Variants in TEAD1 observed in about 807,000 individuals in gnomAD.
TEAD1 encodes TEA domain transcription factor 1, also known as transcriptional enhancer factor TEF-1.
A neutral mutation model predicts 54.9 loss-of-function variants in TEAD1; 9 were observed. That is an observed-to-expected ratio of 0.16 (90% confidence interval 0.10 to 0.29). The LOEUF is 0.29. TEAD1 is among the 10% of genes least tolerant of loss of function. TEAD1 has a pLI of 1.00. For missense variants in TEAD1, 387 were observed against 535.9 expected (o/e 0.72, Z 2.74); for synonymous variants, 200 against 187.8 (o/e 1.07, Z -0.53).
intron 3 of TEAD1, among the ~76,000 whole-genome samples, chr11:12,847,211 G>A (rs1737023365): frequency 2.1e-5 from 3 of 144,370 alleles, no homozygotes; most frequent in Admixed American, 1.4e-4. Context: ...GTCAACAGTA[G>A]CAATATCATT....
intron 3 of TEAD1, among the ~76,000 whole-genome samples, chr11:12,799,198 G>GT (rs1946000399): frequency 6.6e-6 from 1 of 152,200 alleles, no homozygotes; most frequent in African/African-American, 2.4e-5. Context: ...TTATCTCAGT[G>GT]TTTTACAAAT....
intron 3 of TEAD1, among the ~76,000 whole-genome samples, chr11:12,841,393 A>G (rs1947037637): frequency 6.6e-6 from 1 of 152,182 alleles, no homozygotes; most frequent in Admixed American, 6.5e-5. Flanking sequence ...GATGGTGGGG[A>G]TGGATGCTGG....
chr11:12,879,239 G>T (rs1947917293), intron 5 of TEAD1, among the ~76,000 whole-genome samples: 1 of 152,206 alleles, frequency 6.6e-6, no homozygotes, highest in Admixed American at 6.5e-5. Flanking sequence ...ATGGCCCTGT[G>T]ACAGTCAGGA....
At chr11:12,707,403 C>T (rs1310055105) in intron 2 of TEAD1, among the ~76,000 whole-genome samples, 2 of 152,168 alleles carry the variant, frequency 1.3e-5, no homozygotes, top group Non-Finnish European at 2.9e-5. Context: ...CACATATTCA[C>T]GTTTAATGGT....
chr11:12,754,732 CT>C (rs1260690113), intron 2 of TEAD1, among the ~76,000 whole-genome samples: 2 of 152,174 alleles, frequency 1.3e-5, no homozygotes, highest in Non-Finnish European at 2.9e-5. Flanking sequence ...CAGAGCAGGG[CT>C]TGGCCTTCGC....
intron 2 of TEAD1, among the ~76,000 whole-genome samples, chr11:12,746,108 A>G (rs1396213734): frequency 2.0e-5 from 3 of 152,232 alleles, no homozygotes; most frequent in Non-Finnish European, 4.4e-5. Flanking sequence ...CTAACTCCCT[A>G]CAGTGATTGA....
intron 3 of TEAD1, among the ~76,000 whole-genome samples, chr11:12,860,877 T>TA (rs1947485860): frequency 6.6e-6 from 1 of 152,096 alleles, no homozygotes; most frequent in Non-Finnish European, 1.5e-5. Flanking sequence ...AGTTGGGCAA[T>TA]TAGAGAAGAC....
At chr11:12,709,318 A>G (rs1013544278) in intron 2 of TEAD1, among the ~76,000 whole-genome samples, 1 of 151,596 alleles carries the variant, frequency 6.6e-6, no homozygotes, top group South Asian at 2.1e-4. Flanking sequence ...AGCCTGGATG[A>G]TAGAGCAAGA....
intron 4 of TEAD1, chr11:12,864,623 T>TTTTGTTTTGG: frequency 2.0e-6 from 2 of 985,862 alleles, no homozygotes; most frequent in Non-Finnish European, 1.4e-6. Context: ...TCCTTTTTTG[T>TTTTGTTTTGG]TTTGTTTTGT....
intron 3 of TEAD1, among the ~76,000 whole-genome samples, chr11:12,772,528 A>G (rs866645885): frequency 1.2e-4 from 19 of 152,328 alleles, no homozygotes; most frequent in African/African-American, 4.3e-4. Context: ...GTACAGATGT[A>G]CAGTATAGAT....
chr11:12,892,469 C>T (rs892487886), intron 9 of TEAD1, among the ~76,000 whole-genome samples: 1 of 152,102 alleles, frequency 6.6e-6, no homozygotes, highest in Non-Finnish European at 1.5e-5. Flanking sequence ...CATGGTGAAT[C>T]CCCCGCTTCT....
intron 9 of TEAD1, among the ~76,000 whole-genome samples, chr11:12,895,061 C>T (rs1313138167): frequency 6.6e-6 from 1 of 152,134 alleles, no homozygotes; most frequent in East Asian, 1.9e-4. Flanking sequence ...CAGATTCAAA[C>T]CCAGATCCCA....
chr11:12,802,861 T>C (rs1946089986), intron 3 of TEAD1, among the ~76,000 whole-genome samples: 1 of 152,202 alleles, frequency 6.6e-6, no homozygotes, highest in South Asian at 2.1e-4. Flanking sequence ...AGCAACACCC[T>C]CATAGTCCAA....
intron 3 of TEAD1, among the ~76,000 whole-genome samples, chr11:12,850,196 G>A (rs900672707): frequency 6.6e-6 from 1 of 152,162 alleles, no homozygotes; most frequent in Non-Finnish European, 1.5e-5. Flanking sequence ...AGCACTTTCG[G>A]AGGCCGAGGC....
At chr11:12,801,341 A>C (rs970411126) in intron 3 of TEAD1, among the ~76,000 whole-genome samples, 3 of 152,208 alleles carry the variant, frequency 2.0e-5, no homozygotes, top group Non-Finnish European at 2.9e-5. Flanking sequence ...GCTCAGACTA[A>C]AAATCCCCTT....
At chr11:12,757,845 T>C (rs1945014381) in intron 2 of TEAD1, among the ~76,000 whole-genome samples, 1 of 152,202 alleles carries the variant, frequency 6.6e-6, no homozygotes. Context: ...AGTGGCCTGA[T>C]CTTGGCTCAC....
At chr11:12,929,210 G>A (rs1161759995) in intron 11 of TEAD1, among the ~76,000 whole-genome samples, 1 of 137,120 alleles carries the variant, frequency 7.3e-6, no homozygotes, top group Non-Finnish European at 1.6e-5. Flanking sequence ...GTCTGCTTTA[G>A]GGTTATGTGA....
intron 3 of TEAD1, among the ~76,000 whole-genome samples, chr11:12,859,584 G>T (rs1032745765): frequency 2.0e-5 from 3 of 152,212 alleles, no homozygotes; most frequent in African/African-American, 7.2e-5. Flanking sequence ...TAGATCCAAT[G>T]ATACTACAGG....
chr11:12,893,683 T>C (rs750847715), intron 9 of TEAD1, among the ~76,000 whole-genome samples: 6 of 151,836 alleles, frequency 4.0e-5, no homozygotes, highest in Non-Finnish European at 7.4e-5. Flanking sequence ...GAGATGGTGC[T>C]GGGAGTGGGA....
Sources: gnomAD v4.1 joint callset for allele counts (sites outside exome capture counted in the v4.1 genomes callset) on GRCh38, gnomAD v4.1.1 for gene constraint, MANE v1.5 for transcripts, NCBI Gene and HGNC (gene_info 2026-07-23, HGNC 2026-07-21) for gene names.